DAB1: variants seen among roughly 807,000 people sequenced by gnomAD.
DAB1 encodes the protein disabled homolog 1.
In DAB1, 15 loss-of-function variants were observed where a neutral mutation model predicts 64.6. The ratio of observed to expected loss-of-function variants is 0.23; its 90% CI spans 0.16 to 0.36. DAB1 has a LOEUF of 0.36. Ranked by LOEUF, DAB1 falls within the 10% of genes least tolerant of loss-of-function variation. The probability of loss-of-function intolerance (pLI) is 1.00; values close to 1 mark genes in which losing one functional copy is unlikely to be tolerated. For synonymous variants in DAB1, 235 were observed against 251.9 expected (o/e 0.93, Z 0.64); for missense variants, 596 against 706.7 (o/e 0.84, Z 1.78).
chr1:57,044,720 T>A (rs549467393), intron 9 of DAB1, among the ~76,000 whole-genome samples: 64 of 152,304 alleles, frequency 4.2e-4, no homozygotes, highest in African/African-American at 1.5e-3. Context: ...CTTAGTAAGG[T>A]CACGGGTGGT....
At chr1:57,705,226 T>C (rs1003257966) in intron 6 of DAB1, among the ~76,000 whole-genome samples, 1 of 152,164 alleles carries the variant, frequency 6.6e-6, no homozygotes, top group Non-Finnish European at 1.5e-5. Context: ...ATGTCTCAGA[T>C]TATTTTAGGT....
chr1:58,479,866 T>A (rs1276796037), intron 3 of DAB1, among the ~76,000 whole-genome samples: 1 of 152,178 alleles, frequency 6.6e-6, no homozygotes, highest in African/African-American at 2.4e-5. Context: ...GTGAGAATAA[T>A]AAAACCTAGT....
At chr1:58,422,749 A>T (rs564817099) in intron 3 of DAB1, among the ~76,000 whole-genome samples, 4 of 152,030 alleles carry the variant, frequency 2.6e-5, no homozygotes, top group Admixed American at 2.6e-4. Flanking sequence ...GCTGCCTGAC[A>T]ACCACCATCT....
chr1:58,516,422 A>G (rs1646158737), intron 2 of DAB1, among the ~76,000 whole-genome samples: 1 of 152,108 alleles, frequency 6.6e-6, no homozygotes, highest in Non-Finnish European at 1.5e-5. Context: ...ACTTAACAGG[A>G]CCTCTTTTGT....
intron 9 of DAB1, among the ~76,000 whole-genome samples, chr1:57,060,596 G>A (rs1376297598): frequency 1.3e-5 from 2 of 152,326 alleles, no homozygotes; most frequent in South Asian, 2.1e-4. Flanking sequence ...AGGAATGACA[G>A]CACAAAGGCA....
chr1:58,399,295 C>T (rs1644550667), intron 3 of DAB1, among the ~76,000 whole-genome samples: 1 of 152,144 alleles, frequency 6.6e-6, no homozygotes, highest in South Asian at 2.1e-4. Context: ...ACAGATTAGG[C>T]TTGTTTTGCA....
At chr1:57,620,528 G>T (rs188584702) in intron 7 of DAB1, among the ~76,000 whole-genome samples, 35 of 152,342 alleles carry the variant, frequency 2.3e-4, no homozygotes, top group Admixed American at 2.2e-3. Flanking sequence ...CCCATGAGGG[G>T]ATAAACCCGC....
In DAB1 at chr1:57,062,939, G is replaced by A. The variant is rs1650546628; in HGVS notation, c.668C>T (p.Pro223Leu). The change falls in exon 9 of 15, where the codon CCC becomes CTC. Residue 223 changes from proline (P) to leucine (L), a missense_variant. By Grantham distance (98) the Pro-to-Leu change is moderately conservative. This residue lies in a region of DAB1 where 176 missense variants were observed against 266.7 expected (regional missense o/e 0.66). Coordinates refer to ENST00000371236, the MANE Select transcript of DAB1 (RefSeq NM_001365792.1). ...AACACCTTCCTTCTTTTGGCTGGTG[G>A]GAACCTATGGAAAAATTAAATTCAG... is the stretch of plus-strand genomic sequence containing the variant. ...PETEENIYQV[P>L]TSQKKEGVYD... The A allele has an allele frequency of 1.9e-6, 3 of 1,613,944 alleles. No individual in the cohort carries two copies. Among genetic ancestry groups the A allele is most frequent in the Non-Finnish European group, 2.5e-6 (3 of 1,179,864 alleles).
At chr1:57,433,223 C>T (rs1570513614) in intron 7 of DAB1, among the ~76,000 whole-genome samples, 1 of 152,204 alleles carries the variant, frequency 6.6e-6, no homozygotes, top group East Asian at 1.9e-4. Flanking sequence ...AAAAAATATA[C>T]ATGAGAATGC....
intron 3 of DAB1, among the ~76,000 whole-genome samples, chr1:58,355,928 T>A (rs1644106760): frequency 6.6e-6 from 1 of 152,162 alleles, no homozygotes; most frequent in African/African-American, 2.4e-5. Context: ...TACCAATCCC[T>A]CTAATCTCTG....
At chr1:58,466,972 G>T (rs1245593607) in intron 3 of DAB1, among the ~76,000 whole-genome samples, 2 of 152,212 alleles carry the variant, frequency 1.3e-5, no homozygotes, top group Non-Finnish European at 2.9e-5. Flanking sequence ...ATACATGAGT[G>T]AGTGGCCTCA....
At chr1:57,723,856 G>T (rs1257484529) in intron 6 of DAB1, among the ~76,000 whole-genome samples, 1 of 152,120 alleles carries the variant, frequency 6.6e-6, no homozygotes, top group African/African-American at 2.4e-5. Flanking sequence ...TTGTTAAAAT[G>T]GCAGATGAGT....
chr1:57,532,816 C>T (rs1644681469), intron 7 of DAB1, among the ~76,000 whole-genome samples: 1 of 152,096 alleles, frequency 6.6e-6, no homozygotes, highest in Admixed American at 6.5e-5. Flanking sequence ...GTAAAAGTGC[C>T]TAGCAAGAAA....
intron 3 of DAB1, among the ~76,000 whole-genome samples, chr1:58,361,647 G>A (rs1411586372): frequency 1.3e-5 from 2 of 152,122 alleles, no homozygotes; most frequent in African/African-American, 4.8e-5. Flanking sequence ...CTGAGCAGAG[G>A]TTAACAATGT....
chr1:57,546,821 C>T (rs1012176343), intron 7 of DAB1, among the ~76,000 whole-genome samples: 1 of 152,048 alleles, frequency 6.6e-6, no homozygotes, highest in African/African-American at 2.4e-5. Flanking sequence ...CAGAGCATAT[C>T]CCTGTCATTA....
At chr1:58,334,380 C>T (rs1004025415) in intron 4 of DAB1, among the ~76,000 whole-genome samples, 14 of 151,978 alleles carry the variant, frequency 9.2e-5, no homozygotes, top group African/African-American at 3.4e-4. Flanking sequence ...ATTTGTTGTC[C>T]TTAGCCTCTG....
intron 5 of DAB1, among the ~76,000 whole-genome samples, chr1:57,908,383 C>T (rs776851584): frequency 1.6e-4 from 25 of 152,166 alleles, no homozygotes; most frequent in South Asian, 4.2e-4. Context: ...GCCCAACAGC[C>T]GATTTAACCA....
chr1:57,910,624 C>T (rs147655134), intron 5 of DAB1, among the ~76,000 whole-genome samples: 1 of 152,304 alleles, frequency 6.6e-6, no homozygotes, highest in African/African-American at 2.4e-5. Context: ...CACGTCGTGG[C>T]CTGGAATCAC....
chr1:57,310,203 G>A (rs1361046348), intron 1 of DAB1, among the ~76,000 whole-genome samples: 1 of 152,166 alleles, frequency 6.6e-6, no homozygotes, highest in African/African-American at 2.4e-5. Flanking sequence ...GCTATAAGAA[G>A]TGCTGGAGGG....
Sources: gnomAD v4.1 joint callset for allele counts (sites outside exome capture counted in the v4.1 genomes callset) on GRCh38, gnomAD v4.1.1 for gene constraint, gnomAD v4.1.1 regional missense constraint, MANE v1.5 for transcripts, NCBI Gene and HGNC (gene_info 2026-07-23, HGNC 2026-07-21) for gene names.